The following TFDP2 variants were observed in gnomAD, a reference collection of about 807,000 sequenced individuals.
TFDP2 encodes transcription factor Dp-2, also known as transcription factor Dp-2 (E2F dimerization partner 2).
TFDP2 carries 17 observed loss-of-function variants against 59.3 expected under a neutral mutation model. The observed-to-expected ratio is 0.29, with a 90% CI of 0.20 to 0.43. The LOEUF (loss-of-function observed/expected upper bound fraction) is 0.43. Ranked by LOEUF, TFDP2 falls within the 20% of genes least tolerant of loss-of-function variation. The pLI is 1.00. For missense variants in TFDP2, 391 were observed against 528.8 expected (o/e 0.74, Z 2.56); for synonymous variants, 180 against 194.7 (o/e 0.92, Z 0.63).
At chr3:142,095,126 G>A (rs926490800) in intron 2 of TFDP2, among the ~76,000 whole-genome samples, 2 of 152,000 alleles carry the variant, frequency 1.3e-5, no homozygotes. Context: ...AAGTAGCTGG[G>A]ATTACAGGCG....
chr3:142,035,203 G>A (rs1946633860), intron 3 of TFDP2, among the ~76,000 whole-genome samples: 1 of 152,142 alleles, frequency 6.6e-6, no homozygotes, highest in Non-Finnish European at 1.5e-5. Flanking sequence ...AGTGAAAGGG[G>A]CACACCATAA....
At chr3:142,065,509 G>GGTGTGT (rs113935011) in intron 3 of TFDP2, among the ~76,000 whole-genome samples, 12,434 of 148,292 alleles carry the variant, frequency 0.084, 618 homozygotes, top group Non-Finnish European at 0.13. Flanking sequence ...TGTGTGTGTG[G>GGTGTGT]GTGTGTGTGT....
At chr3:142,076,225 AAG>A (rs1356210262) in intron 3 of TFDP2, among the ~76,000 whole-genome samples, 1 of 151,598 alleles carries the variant, frequency 6.6e-6, no homozygotes, top group African/African-American at 2.4e-5. Context: ...AAAAAAAAAA[AAG>A]AAAAAAGAAA....
intron 6 of TFDP2, among the ~76,000 whole-genome samples, chr3:141,988,404 T>G (rs1257830875): frequency 6.6e-6 from 1 of 152,134 alleles, no homozygotes; most frequent in African/African-American, 2.4e-5. Flanking sequence ...AAATCCTAGA[T>G]TCTCAGCCTC....
At chr3:142,013,941 G>A (rs942780653) in intron 3 of TFDP2, among the ~76,000 whole-genome samples, 1 of 149,368 alleles carries the variant, frequency 6.7e-6, no homozygotes, top group Non-Finnish European at 1.5e-5. Flanking sequence ...ATTTTTTTTT[G>A]CTTGAATTAG....
chr3:142,014,070 G>C (rs950946532), intron 3 of TFDP2, among the ~76,000 whole-genome samples: 3 of 152,074 alleles, frequency 2.0e-5, no homozygotes, highest in African/African-American at 7.2e-5. Flanking sequence ...TCTTAAATTA[G>C]AAGCAATGGT....
In TFDP2 at chr3:142,091,850, C is replaced by T. The variant is rs532596007; in HGVS notation, c.82+1211G>A. ...CGCCCTCCTATGAGAATCTAATGCT[C>T]ACTTGCTGGCCGCTCACCTTCTGCT... is the stretch of plus-strand genomic sequence containing the variant. On this transcript the variant is annotated intron_variant, in intron 3 of 12. Transcript: ENST00000489671. Among the ~76,000 whole-genome samples, 15 of 152,240 alleles carry T rather than the reference C, an allele frequency of 9.9e-5. No individual in the cohort carries two copies. In the South Asian group the frequency reaches 2.9e-3, roughly 30 times the overall value.
intron 3 of TFDP2, among the ~76,000 whole-genome samples, chr3:142,088,408 G>A (rs926818023): frequency 6.7e-6 from 1 of 149,918 alleles, no homozygotes; most frequent in Non-Finnish European, 1.5e-5. Context: ...TTGACGCACT[G>A]CAACCTCCAC....
At chr3:142,100,616 G>A (rs1309598627) in intron 2 of TFDP2, among the ~76,000 whole-genome samples, 88 of 152,032 alleles carry the variant, frequency 5.8e-4, no homozygotes, top group Non-Finnish European at 1.1e-3. Context: ...CAGGTGATCT[G>A]CCCACCTTGG....
In TFDP2 at chr3:142,062,347, G is replaced by A. The variant is rs577685558; in HGVS notation, c.82+30714C>T. 1.3e-4 allele frequency among the ~76,000 whole-genome samples: 20 copies of A among 150,264 alleles called. No individual in the cohort carries two copies. The South Asian group carries it at 2.3e-3, about 17-fold the overall frequency. On this transcript the variant is annotated intron_variant, in intron 3 of 12. Transcript: ENST00000489671. ...GGGAGGTCAGTGCCCCAACCACTGC[G>A]TTGTTCAAGGGTCAGCTGTATATAT... is the stretch of plus-strand genomic sequence containing the variant.
intron 1 of TFDP2, among the ~76,000 whole-genome samples, chr3:142,127,082 A>AT (rs2062293087): frequency 1.3e-5 from 2 of 149,328 alleles, no homozygotes; most frequent in Non-Finnish European, 3.0e-5. Flanking sequence ...AATTAGATGT[A>AT]TCTACCTATA....
At position 141,947,960 on chromosome 3, in the gene TFDP2, A is replaced by G. The variant is rs998608068; in HGVS notation, c.*4553T>C. 1 of 152,216 alleles carries G rather than the reference A, an allele frequency of 6.6e-6. No individual in the cohort carries two copies. Among genetic ancestry groups the G allele is most frequent in the Non-Finnish European group, 1.5e-5 (1 of 68,066 alleles). The allele number at this position is 152,216 out of a possible 1,614,324, so 9.4% of individuals were successfully genotyped here. A position where few individuals can be genotyped will look rare whatever the true frequency, so the allele number is the denominator to read the frequency against. The stretch of plus-strand genomic sequence containing the variant: ...CTTTCTCCACAGCACTCATCAATCA[A>G]TCTGCACGTGTTCCATCTGTGATCA... On this transcript the variant is annotated 3_prime_UTR_variant, in exon 13 of 13. Coordinates refer to ENST00000489671, the MANE Select transcript of TFDP2 (RefSeq NM_001178139.2).
chr3:142,101,467 G>T (rs375097487), intron 2 of TFDP2, among the ~76,000 whole-genome samples: 1 of 152,110 alleles, frequency 6.6e-6, no homozygotes, highest in African/African-American at 2.4e-5. Flanking sequence ...AAAGAGGAGG[G>T]CAGGGTGGGA....
intron 3 of TFDP2, among the ~76,000 whole-genome samples, chr3:142,006,794 T>TC (rs1241485702): frequency 4.0e-5 from 6 of 151,818 alleles, no homozygotes; most frequent in Non-Finnish European, 4.4e-5. Flanking sequence ...TTTTTCTTTT[T>TC]TTTTGAGAGT....
At chr3:142,032,709 A>G (rs1424779014) in intron 3 of TFDP2, among the ~76,000 whole-genome samples, 1 of 152,214 alleles carries the variant, frequency 6.6e-6, no homozygotes, top group Non-Finnish European at 1.5e-5. Context: ...TCAAGAACAG[A>G]AAGTGATTTT....
intron 3 of TFDP2, among the ~76,000 whole-genome samples, chr3:142,088,786 T>C (rs917558695): frequency 2.2e-4 from 33 of 151,670 alleles, no homozygotes; most frequent in Admixed American, 6.6e-5. Flanking sequence ...CAGCTATCTT[T>C]CTTATCAGTG....
chr3:142,067,842 A>G (rs543007594), intron 3 of TFDP2, among the ~76,000 whole-genome samples: 1 of 152,146 alleles, frequency 6.6e-6, no homozygotes, highest in Admixed American at 6.5e-5. Context: ...GTCTCTACAA[A>G]CAAATTTAAA....
At position 141,995,028 on chromosome 3, in the gene TFDP2, C is replaced by G; in HGVS notation, c.300G>C (p.Trp100Cys). Residue 100 changes from tryptophan to cysteine, a missense_variant, in exon 5 of 13, where the codon TGG (tryptophan) becomes TGC (cysteine). Coordinates refer to ENST00000489671, the MANE Select transcript of TFDP2 (RefSeq NM_001178139.2). ...TQTHIAEATG[W>C]VPGDRKRARK... ...ACTTGCAACACTCTTACCCAGGGAC[C>G]CAGCCAGTAGCTTCTGCTATGTGTG... 1 of 1,586,312 alleles carries G rather than the reference C, an allele frequency of 6.3e-7. No individual in the cohort carries two copies. The highest frequency in any genetic ancestry group is 8.6e-7 in the Non-Finnish European group (1 of 1,166,594).
intron 4 of TFDP2, 116 bp downstream of exon 4, chr3:142,005,325 C>T: frequency 1.3e-6 from 1 of 790,456 alleles, no homozygotes; most frequent in Non-Finnish European, 2.0e-6. Flanking sequence ...AGGAGTGAGC[C>T]ACCTACCGCG....
Sources: gnomAD v4.1 joint callset for allele counts (sites outside exome capture counted in the v4.1 genomes callset) on GRCh38, gnomAD v4.1.1 for gene constraint, MANE v1.5 for transcripts, NCBI Gene and HGNC (gene_info 2026-07-23, HGNC 2026-07-21) for gene names.